XYLT1: variants seen among roughly 807,000 people sequenced by gnomAD.
XYLT1 encodes xylosyltransferase 1.
Under a neutral mutation model 91.3 loss-of-function variants are expected in XYLT1, and 36 were observed. The ratio of observed to expected loss-of-function variants is 0.39; its 90% CI spans 0.30 to 0.52. XYLT1 has a LOEUF of 0.52. XYLT1 is among the 20% of genes least tolerant of loss of function. The pLI, the probability that XYLT1 is intolerant of heterozygous loss-of-function variation, is 0.68. For synonymous variants in XYLT1, 588 were observed against 532.0 expected (o/e 1.11, Z -1.45); for missense variants, 1,242 against 1,284.5 (o/e 0.97, Z 0.51).
intron 6 of XYLT1, among the ~76,000 whole-genome samples, chr16:17,149,661 G>A (rs991732167): frequency 6.6e-6 from 1 of 152,234 alleles, no homozygotes; most frequent in Admixed American, 6.5e-5. Flanking sequence ...TTAGCTGCCT[G>A]AGATTTTTCT....
intron 3 of XYLT1, among the ~76,000 whole-genome samples, chr16:17,249,347 C>T (rs892763959): frequency 6.6e-6 from 1 of 152,232 alleles, no homozygotes; most frequent in Non-Finnish European, 1.5e-5. Flanking sequence ...GGAGGTTGAG[C>T]CACTGAGGCT....
chr16:17,115,622 A>G (rs113596271), intron 11 of XYLT1, among the ~76,000 whole-genome samples: 8,526 of 151,128 alleles, frequency 0.056, 799 homozygotes, highest in African/African-American at 0.19. Context: ...GGGACTATAG[A>G]CGCCGGCCAC....
intron 6 of XYLT1, among the ~76,000 whole-genome samples, chr16:17,153,124 C>T (rs1381668979): frequency 6.6e-6 from 1 of 152,204 alleles, no homozygotes; most frequent in Non-Finnish European, 1.5e-5. Context: ...ACCACTACTA[C>T]CACCACCATT....
At chr16:17,255,139 G>C (rs1320351707) in intron 3 of XYLT1, among the ~76,000 whole-genome samples, 1 of 151,732 alleles carries the variant, frequency 6.6e-6, no homozygotes, top group East Asian at 1.9e-4. Flanking sequence ...TGGGATTACA[G>C]GTGCACACCA....
chr16:17,203,144 T>C (rs553509009), intron 3 of XYLT1, among the ~76,000 whole-genome samples: 38 of 152,286 alleles, frequency 2.5e-4, no homozygotes, highest in African/African-American at 9.1e-4. Context: ...ATACACACCA[T>C]ATGATCATAC....
chr16:17,168,186 C>T (rs918946697), intron 5 of XYLT1, among the ~76,000 whole-genome samples: 2 of 152,158 alleles, frequency 1.3e-5, no homozygotes, highest in Admixed American at 6.5e-5. Flanking sequence ...GACATGGGAT[C>T]GATATAGGTG....
At chr16:17,285,935 TGAGTGAGA>T (rs1332846277) in intron 2 of XYLT1, among the ~76,000 whole-genome samples, 1 of 146,864 alleles carries the variant, frequency 6.8e-6, no homozygotes, top group African/African-American at 2.5e-5. Flanking sequence ...TGTGTGTGAG[TGAGTGAGA>T]GAGAGAGAGA....
In XYLT1 at chr16:17,102,724, G is replaced by A. The variant is rs577287115; in HGVS notation, c.*5971C>T. On this transcript the variant is annotated 3_prime_UTR_variant, in exon 12 of 12. Coordinates refer to ENST00000261381, the MANE Select transcript of XYLT1 (RefSeq NM_022166.4). ...TAGCAAAATATCTACATATTTCAGCGTGTGCCATTTGAATTCTTTTTTTAA... is the reference window on the plus strand; with the variant it reads ...TAGCAAAATATCTACATATTTCAGCATGTGCCATTTGAATTCTTTTTTTAA... The A allele has an allele frequency of 1.4e-4, 22 of 151,736 alleles. No homozygotes were observed. The highest frequency in any genetic ancestry group is 4.2e-4 in the South Asian group (2 of 4,780). 9.4% of individuals were successfully genotyped at this position (151,736 alleles called of 1,614,324 possible).
chr16:17,460,966 G>A (rs1246548983), intron 1 of XYLT1, among the ~76,000 whole-genome samples: 1 of 152,140 alleles, frequency 6.6e-6, no homozygotes, highest in Non-Finnish European at 1.5e-5. Flanking sequence ...ATCAAGCCCT[G>A]CCAGGTAGGT....
intron 1 of XYLT1, among the ~76,000 whole-genome samples, chr16:17,420,699 G>A (rs754937843): frequency 2.6e-5 from 4 of 151,524 alleles, no homozygotes; most frequent in Non-Finnish European, 5.9e-5. Context: ...TTTTTTTTGC[G>A]AAGGGTGCAA....
At chr16:17,129,691 G>C (rs990919675) in intron 9 of XYLT1, among the ~76,000 whole-genome samples, 2 of 152,190 alleles carry the variant, frequency 1.3e-5, no homozygotes, top group Non-Finnish European at 2.9e-5. Flanking sequence ...AAGTGTGACT[G>C]TTCAGCCCTT....
chr16:17,166,581 C>T lies in XYLT1; in HGVS notation c.1290-7672G>A, dbSNP rs115447951. ...TGCTGGAGTGCAGTGGCACGATCTC[C>T]GCTTACAGTAACCTCCACCTCCTGG... On this transcript the variant is annotated intron_variant, in intron 5 of 11. Coordinates refer to ENST00000261381, the MANE Select transcript of XYLT1 (RefSeq NM_022166.4). Among the ~76,000 whole-genome samples, 312 of 151,974 alleles carry T rather than the reference C, an allele frequency of 2.1e-3. 1 individual carries two copies. Among genetic ancestry groups the T allele is most frequent in the African/African-American group, 7.0e-3 (289 of 41,466 alleles).
chr16:17,414,436 T>G (rs1429294401), intron 1 of XYLT1, among the ~76,000 whole-genome samples: 1 of 152,138 alleles, frequency 6.6e-6, no homozygotes, highest in Non-Finnish European at 1.5e-5. Context: ...GCTCAAGCAA[T>G]CCTCCAGCTT....
chr16:17,132,983 G>A (rs1364484730), intron 9 of XYLT1, among the ~76,000 whole-genome samples: 2 of 152,166 alleles, frequency 1.3e-5, no homozygotes, highest in African/African-American at 2.4e-5. Flanking sequence ...CAAAAATGAT[G>A]AGTATTACTC....
At chr16:17,246,332 C>T (rs2033435174) in intron 3 of XYLT1, among the ~76,000 whole-genome samples, 1 of 152,118 alleles carries the variant, frequency 6.6e-6, no homozygotes, top group Non-Finnish European at 1.5e-5. Flanking sequence ...ACCTTAGCTC[C>T]CTGTTCTTTC....
intron 2 of XYLT1, among the ~76,000 whole-genome samples, chr16:17,272,051 CCCGCTAGGGAAGGATGA>C (rs745363883): frequency 2.8e-4 from 43 of 151,930 alleles, no homozygotes; most frequent in Middle Eastern, 3.4e-3. Context: ...AGTTAGGGTT[CCCGCTAGGGAAGGATGA>C]CACAGAAGAG....
intron 1 of XYLT1, among the ~76,000 whole-genome samples, chr16:17,458,732 G>A (rs1289140107): frequency 6.6e-6 from 1 of 152,008 alleles, no homozygotes; most frequent in African/African-American, 2.4e-5. Context: ...TCCAGTTAGA[G>A]TTTGCTTATG....
chr16:17,301,926 T>C (rs578223902), intron 2 of XYLT1, among the ~76,000 whole-genome samples: 29 of 152,126 alleles, frequency 1.9e-4, no homozygotes, highest in African/African-American at 7.0e-4. Context: ...AAAATACATG[T>C]CAGGGCTCGG....
chr16:17,150,179 G>A (rs1422121852), intron 6 of XYLT1, among the ~76,000 whole-genome samples: 3 of 152,176 alleles, frequency 2.0e-5, no homozygotes, highest in African/African-American at 4.8e-5. Flanking sequence ...GGATGAGCTC[G>A]CGAGGATTCA....
Sources: gnomAD v4.1 joint callset for allele counts (sites outside exome capture counted in the v4.1 genomes callset) on GRCh38, gnomAD v4.1.1 for gene constraint, MANE v1.5 for transcripts, NCBI Gene and HGNC (gene_info 2026-07-23, HGNC 2026-07-21) for gene names.